The following ASNS variants were observed in gnomAD, a reference collection of about 807,000 sequenced individuals.
ASNS encodes the protein asparagine synthetase [glutamine-hydrolyzing].
A neutral mutation model predicts 62.6 loss-of-function variants in ASNS; 37 were observed. The observed-to-expected ratio is 0.59, with a 90% CI of 0.45 to 0.78. The LOEUF (loss-of-function observed/expected upper bound fraction) is 0.78, where lower values mean the gene tolerates loss of function less well. Among genes scored for constraint, ASNS ranks in the 30% least tolerant of loss-of-function variants. The pLI is 0.00. For missense variants in ASNS, 520 were observed against 682.4 expected (o/e 0.76, Z 2.65); for synonymous variants, 207 against 237.9 (o/e 0.87, Z 1.19).
the ASNS span, among the ~76,000 whole-genome samples, chr7:97,920,629 C>T: frequency 6.6e-6 from 1 of 152,206 alleles, no homozygotes; most frequent in Non-Finnish European, 1.5e-5. Flanking sequence ...ACAGGGCTCT[C>T]AGAGGCCCTG....
intron 12 of ASNS, 26 bp downstream of exon 12, chr7:97,853,034 T>C (rs1791257207): frequency 9.8e-6 from 15 of 1,523,124 alleles, no homozygotes; most frequent in Non-Finnish European, 1.2e-5. Flanking sequence ...GTCTTATTCC[T>C]GAAAATGTTT....
At chr7:97,859,540 A>T (rs894753690) in intron 4 of ASNS, 142 bp from the exon 5 acceptor site, 12 of 875,312 alleles carry the variant, frequency 1.4e-5, no homozygotes, top group African/African-American at 1.0e-4. Context: ...AGGAAAAAAA[A>T]TTTTCTATTT....
At chr7:97,875,185 A>T (rs1400354109), upstream of ASNS, among the ~76,000 whole-genome samples, 5 of 152,168 alleles carry the variant, frequency 3.3e-5, no homozygotes, top group Admixed American at 2.0e-4. Flanking sequence ...TCACTCTGTC[A>T]CCCAGACTAG....
At chr7:97,926,146 T>G in the ASNS span, among the ~76,000 whole-genome samples, 1 of 151,152 alleles carries the variant, frequency 6.6e-6, no homozygotes, top group Admixed American at 6.6e-5. Flanking sequence ...AAACATCCTT[T>G]AGCCAACACC....
At chr7:97,907,112 C>A in the ASNS span, among the ~76,000 whole-genome samples, 1 of 152,178 alleles carries the variant, frequency 6.6e-6, no homozygotes, top group Non-Finnish European at 1.5e-5. Context: ...ATAACACTAA[C>A]CATCATGTCT....
chr7:97,903,860 G>T, the ASNS span, among the ~76,000 whole-genome samples: 2 of 152,146 alleles, frequency 1.3e-5, no homozygotes, highest in African/African-American at 4.8e-5. Context: ...TAATTTGGGG[G>T]ACAACAAAGC....
chr7:97,916,356 G>A, the ASNS span, among the ~76,000 whole-genome samples: 1 of 152,060 alleles, frequency 6.6e-6, no homozygotes, highest in Admixed American at 6.6e-5. Flanking sequence ...ACTCCAGCCT[G>A]GGCAGCAAAA....
the ASNS span, among the ~76,000 whole-genome samples, chr7:97,914,711 T>C: frequency 4.1e-4 from 63 of 152,346 alleles, no homozygotes; most frequent in African/African-American, 1.4e-3. Context: ...AGGTGAGCCC[T>C]TCTTCCAGCC....
intron 5 of ASNS, 124 bp downstream of exon 5, chr7:97,859,089 G>A: frequency 7.1e-7 from 1 of 1,399,504 alleles, no homozygotes; most frequent in African/African-American, 1.4e-5. Flanking sequence ...ATCTTAATGT[G>A]TTCCCTCCAA....
chr7:97,859,542 T>G, intron 4 of ASNS, 144 bp from the exon 5 acceptor site: 1 of 883,712 alleles, frequency 1.1e-6, no homozygotes, highest in Non-Finnish European at 1.6e-6. Flanking sequence ...GAAAAAAAAT[T>G]TTCTATTTTC....
chr7:97,869,366 A>G (rs1792141806), intron 2 of ASNS, among the ~76,000 whole-genome samples, 187 bp from the exon 3 acceptor site: 1 of 152,234 alleles, frequency 6.6e-6, no homozygotes, highest in Non-Finnish European at 1.5e-5. Flanking sequence ...ACTTACAGGT[A>G]TTCGGAAAAG....
intron 9 of ASNS, chr7:97,855,069 C>T (rs555355663): frequency 2.6e-6 from 1 of 385,926 alleles, no homozygotes; most frequent in South Asian, 3.7e-5. Context: ...CCTCAATCTC[C>T]TGGGTTCAGG....
chr7:97,912,656 C>T, the ASNS span, among the ~76,000 whole-genome samples: 1 of 144,582 alleles, frequency 6.9e-6, no homozygotes, highest in Non-Finnish European at 1.5e-5. Context: ...CATCTCGGCT[C>T]ACTGCAACTT....
chr7:97,859,475 T>G, intron 4 of ASNS, 77 bp from the exon 5 acceptor site: 1 of 1,426,036 alleles, frequency 7.0e-7, no homozygotes, highest in Non-Finnish European at 9.4e-7. Context: ...TAACATCATC[T>G]ACATTCCTAT....
the ASNS span, among the ~76,000 whole-genome samples, chr7:97,886,624 A>G: frequency 1.3e-5 from 2 of 152,266 alleles, no homozygotes; most frequent in Admixed American, 1.3e-4. Context: ...AAATGTGAAA[A>G]TAAAATTGCC....
chr7:97,870,461 T>C (rs540164325), intron 1 of ASNS, among the ~76,000 whole-genome samples: 1 of 152,378 alleles, frequency 6.6e-6, no homozygotes, highest in South Asian at 2.1e-4. Flanking sequence ...TCTTTGATGA[T>C]ATTTCATTTA....
At chr7:97,888,579 C>T in the ASNS span, among the ~76,000 whole-genome samples, 3 of 152,208 alleles carry the variant, frequency 2.0e-5, no homozygotes, top group Non-Finnish European at 2.9e-5. Flanking sequence ...TTACCGTTTG[C>T]ATCTTTATGG....
chr7:97,883,302 G>C, the ASNS span, among the ~76,000 whole-genome samples: 1 of 152,080 alleles, frequency 6.6e-6, no homozygotes, highest in African/African-American at 2.4e-5. Flanking sequence ...TGAAAGTCTA[G>C]ACATCTTCAT....
At chr7:97,923,886 C>A in the ASNS span, among the ~76,000 whole-genome samples, 3 of 152,222 alleles carry the variant, frequency 2.0e-5, no homozygotes, top group African/African-American at 7.2e-5. Flanking sequence ...ATGTGAGTCA[C>A]CAGCATCCCT....
Sources: gnomAD v4.1 joint callset for allele counts (sites outside exome capture counted in the v4.1 genomes callset) on GRCh38, gnomAD v4.1.1 for gene constraint, MANE v1.5 for transcripts, NCBI Gene and HGNC (gene_info 2026-07-23, HGNC 2026-07-21) for gene names.